The following ZFHX3 variants were observed in gnomAD, a reference collection of about 807,000 sequenced individuals.
ZFHX3 encodes zinc finger homeobox protein 3.
A neutral mutation model predicts 279.1 loss-of-function variants in ZFHX3; 42 were observed. The observed-to-expected ratio is 0.15, with a 90% CI of 0.12 to 0.19. The LOEUF (loss-of-function observed/expected upper bound fraction) is 0.19, where lower values mean the gene tolerates loss of function less well. ZFHX3 is among the 10% of genes least tolerant of loss of function. The pLI is 1.00. For missense variants in ZFHX3, 4,981 were observed against 4,754.0 expected (o/e 1.05, Z -1.40); for synonymous variants, 2,293 against 1,957.8 (o/e 1.17, Z -4.52).
intron 4 of ZFHX3, among the ~76,000 whole-genome samples, chr16:73,267,247 T>A (rs1202185323): frequency 4.6e-5 from 7 of 152,112 alleles, no homozygotes; most frequent in Non-Finnish European, 8.8e-5. Flanking sequence ...CATCTCTCCC[T>A]TGGGCCTGTG....
intron 1 of ZFHX3, among the ~76,000 whole-genome samples, chr16:72,995,253 G>C (rs1963240741): frequency 6.6e-6 from 1 of 151,980 alleles, no homozygotes; most frequent in African/African-American, 2.4e-5. Flanking sequence ...CAATTAAAGG[G>C]GTCACCATAA....
At chr16:72,808,514 T>A (rs183616006) in intron 7 of ZFHX3, among the ~76,000 whole-genome samples, 1 of 152,256 alleles carries the variant, frequency 6.6e-6, no homozygotes, top group South Asian at 2.1e-4. Flanking sequence ...AAAATACTTA[T>A]ATGATTACAT....
intron 1 of ZFHX3, among the ~76,000 whole-genome samples, chr16:73,781,658 G>C (rs187913742): frequency 1.1e-4 from 17 of 152,256 alleles, no homozygotes; most frequent in Admixed American, 1.1e-3. Context: ...TAGGAACTTA[G>C]AGCTGGAAGA....
chr16:73,311,968 G>T (rs542619710), intron 4 of ZFHX3, among the ~76,000 whole-genome samples: 1 of 152,234 alleles, frequency 6.6e-6, no homozygotes, highest in East Asian at 1.9e-4. Flanking sequence ...TCTAAACTTA[G>T]GACACCTTAA....
At chr16:72,989,180 A>G (rs11644388) in intron 1 of ZFHX3, among the ~76,000 whole-genome samples, 39,858 of 147,966 alleles carry the variant, frequency 0.27, 5,595 homozygotes, top group Admixed American at 0.34. Context: ...TCTCAAATTA[A>G]AAAAAAAAAA....
Position 73,214,088 on chromosome 16 carries a change from T to A in ZFHX3, c.-1104+42959A>T, listed in dbSNP as rs554407728. Among the ~76,000 whole-genome samples, 29 of 152,326 alleles carry A rather than the reference T, an allele frequency of 1.9e-4. 1 individual carries two copies. Among genetic ancestry groups the A allele is most frequent in the Admixed American group, 5.2e-4 (8 of 15,296 alleles). ...AAACACGGAGACCCCTCAGCCTAGA[T>A]AGGGGGAAGGGGGAGGACCCCAGCT... On this transcript the variant is annotated intron_variant, in intron 5 of 17. Coordinates refer to the ZFHX3 transcript ENST00000641206.
At chr16:72,971,940 C>A (rs942480587) in intron 1 of ZFHX3, among the ~76,000 whole-genome samples, 2 of 129,146 alleles carry the variant, frequency 1.5e-5, no homozygotes, top group South Asian at 2.5e-4. Flanking sequence ...GGTTGGAGTA[C>A]AATGGGGCGA....
chr16:73,878,043 G>A (rs1030401760), intron 1 of ZFHX3, among the ~76,000 whole-genome samples: 3 of 151,466 alleles, frequency 2.0e-5, no homozygotes, highest in Non-Finnish European at 4.4e-5. Context: ...TCTCTTTTTG[G>A]TTGAAACCCA....
chr16:73,410,050 A>G (rs978350597), intron 3 of ZFHX3, among the ~76,000 whole-genome samples: 1 of 152,194 alleles, frequency 6.6e-6, no homozygotes, highest in Middle Eastern at 3.2e-3. Flanking sequence ...AGTTAGATAG[A>G]ATAAATAAGA....
intron 2 of ZFHX3, among the ~76,000 whole-genome samples, chr16:73,594,446 T>C (rs2052028456): frequency 6.6e-6 from 1 of 152,106 alleles, no homozygotes; most frequent in South Asian, 2.1e-4. Context: ...TCGCAAGCAA[T>C]AGAGATTTTA....
intron 1 of ZFHX3, among the ~76,000 whole-genome samples, chr16:73,838,822 T>C (rs1961217341): frequency 6.6e-6 from 1 of 151,944 alleles, no homozygotes; most frequent in South Asian, 2.1e-4. Context: ...TGTGTACCGC[T>C]AGGTCAGGAA....
At chr16:73,022,479 G>T (rs538467236) in intron 1 of ZFHX3, among the ~76,000 whole-genome samples, 1 of 152,236 alleles carries the variant, frequency 6.6e-6, no homozygotes, top group Non-Finnish European at 1.5e-5. Flanking sequence ...TGGGGATGAG[G>T]GTGGCTGTCC....
chr16:73,306,561 G>A (rs1035205985), intron 4 of ZFHX3, among the ~76,000 whole-genome samples: 1 of 152,206 alleles, frequency 6.6e-6, no homozygotes, highest in Non-Finnish European at 1.5e-5. Flanking sequence ...GACCTCAAAT[G>A]ATCCACCTGC....
At chr16:73,629,586 G>C (rs975785950) in intron 2 of ZFHX3, among the ~76,000 whole-genome samples, 12 of 151,928 alleles carry the variant, frequency 7.9e-5, no homozygotes, top group Non-Finnish European at 1.8e-4. Flanking sequence ...AGAAGATGGA[G>C]GCTGGGAAGG....
chr16:72,825,364 A>C (rs1193409187), intron 5 of ZFHX3, among the ~76,000 whole-genome samples: 1 of 152,354 alleles, frequency 6.6e-6, no homozygotes, highest in South Asian at 2.1e-4. Context: ...ACATAGATGA[A>C]AACTAGATCT....
At chr16:73,048,897 A>C (rs959087217), upstream of ZFHX3, among the ~76,000 whole-genome samples, 16 of 152,248 alleles carry the variant, frequency 1.1e-4, no homozygotes, top group African/African-American at 3.4e-4. Flanking sequence ...AGTGGGAAGA[A>C]AAGGAGATGC....
intron 1 of ZFHX3, among the ~76,000 whole-genome samples, chr16:73,834,559 A>G (rs985491902): frequency 1.3e-5 from 2 of 152,358 alleles, no homozygotes; most frequent in Non-Finnish European, 2.9e-5. Flanking sequence ...GAATTAAACT[A>G]GCAGATACTT....
intron 2 of ZFHX3, among the ~76,000 whole-genome samples, chr16:73,627,174 G>C (rs2052424910): frequency 6.6e-6 from 1 of 152,198 alleles, no homozygotes; most frequent in South Asian, 2.1e-4. Context: ...AAGGGCAAGA[G>C]TCATGCAAAA....
intron 1 of ZFHX3, among the ~76,000 whole-genome samples, chr16:72,985,708 C>T (rs1962813103): frequency 6.6e-6 from 1 of 152,118 alleles, no homozygotes; most frequent in Non-Finnish European, 1.5e-5. Flanking sequence ...CTCCTGGACG[C>T]TCTCAGATAC....
Sources: gnomAD v4.1 joint callset for allele counts (sites outside exome capture counted in the v4.1 genomes callset) on GRCh38, gnomAD v4.1.1 for gene constraint, MANE v1.5 for transcripts, NCBI Gene and HGNC (gene_info 2026-07-23, HGNC 2026-07-21) for gene names.